HSPG2: variants seen among roughly 807,000 people sequenced by gnomAD.
The protein encoded by HSPG2 is basement membrane-specific heparan sulfate proteoglycan core protein.
In HSPG2, 278 loss-of-function variants were observed where a neutral mutation model predicts 526.6. The ratio of observed to expected loss-of-function variants is 0.53; its 90% CI spans 0.48 to 0.58. The LOEUF (loss-of-function observed/expected upper bound fraction) is 0.58. HSPG2 is among the 20% of genes least tolerant of loss of function. HSPG2 has a pLI of 0.00. For missense variants in HSPG2, 5,354 were observed against 6,099.5 expected (o/e 0.88, Z 4.07); for synonymous variants, 2,465 against 2,555.4 (o/e 0.96, Z 1.07).
At chr1:21,835,713 G>T in intron 75 of HSPG2, 76 bp from the exon 76 acceptor site, 1 of 1,110,218 alleles carries the variant, frequency 9.0e-7, no homozygotes, top group Non-Finnish European at 1.3e-6. Flanking sequence ...GCTGGGCGTG[G>T]TGGCTCACGC....
In HSPG2 at chr1:21,851,832, G is replaced by A. The variant is rs185532720; in HGVS notation, c.6965C>T (p.Thr2322Met). ...RASNGMEASITVTVTGTQGAN... is the reference protein window; with the variant it reads ...RASNGMEASIMVTVTGTQGAN... The stretch of plus-strand genomic sequence containing the variant: ...CCCCTGGGTCCCAGTTACTGTGACC[G>A]TGATGGAGGCCTCCATGCCGTTGCT... Residue 2322 changes from threonine (T) to methionine (M), a missense_variant, in exon 54 of 97, where the codon ACG becomes ATG. By Grantham distance (81) the Thr-to-Met change is moderately conservative. Coordinates refer to ENST00000374695, the MANE Select transcript of HSPG2 (RefSeq NM_005529.7). 19 of 1,613,630 alleles carry A rather than the reference G, an allele frequency of 1.2e-5. No individual in the cohort carries two copies. Among genetic ancestry groups the A allele is most frequent in the East Asian group, 6.7e-5 (3 of 44,884 alleles).
At chr1:21,902,888 G>A (rs1186080189) in intron 1 of HSPG2, among the ~76,000 whole-genome samples, 1 of 152,198 alleles carries the variant, frequency 6.6e-6, no homozygotes, top group Non-Finnish European at 1.5e-5. Context: ...AGTCTCTACT[G>A]TATGCACTGG....
In HSPG2 at chr1:21,859,857, G is replaced by A. The variant is rs138980184; in HGVS notation, c.5160C>T (p.Ser1720=). ...TACCTTGATGTCGCTGCTGGGTGCC[G>A]CTGGGCACAGGCCGCCCATCCTCAC... ...WSREDGRPVP[S]GTQQRHQGSE... is the part of the protein sequence containing the mutation. The change falls in exon 41 of 97, where the codon AGC becomes AGT. Residue 1720 remains serine (S), a synonymous_variant. Coordinates refer to ENST00000374695, the MANE Select transcript of HSPG2 (RefSeq NM_005529.7). The surrounding 1 kb of genome is among the most constrained non-coding windows in gnomAD (Gnocchi z 5.3). The A allele has an allele frequency of 1.1e-3, 1,742 of 1,611,366 alleles. 1 individual carries two copies. Among genetic ancestry groups the A allele is most frequent in the Non-Finnish European group, 1.0e-3 (1,213 of 1,179,614 alleles).
rs1477012519 is a variant in HSPG2, at chr1:21,831,199, T to C, written c.11562+16A>G. The C allele has an allele frequency of 1.2e-6, 2 of 1,608,276 alleles. No individual in the cohort carries two copies. Among genetic ancestry groups the C allele is most frequent in the South Asian group, 2.2e-5 (2 of 90,966 alleles). Reference sequence around the variant, plus strand: ...GAGGCCACGGCAGCCAGGTGGTGTGTGGGGTGTGGGGTCACCTGGCAGGGC... The same window carrying C: ...GAGGCCACGGCAGCCAGGTGGTGTGCGGGGTGTGGGGTCACCTGGCAGGGC... On this transcript the variant is annotated intron_variant, in intron 84 of 96. Transcript: ENST00000374695.
intron 1 of HSPG2, among the ~76,000 whole-genome samples, chr1:21,924,237 G>T (rs1023787690): frequency 1.6e-4 from 24 of 152,328 alleles, no homozygotes; most frequent in Middle Eastern, 6.8e-3. Context: ...GAAGGTGGAA[G>T]CTGCCTCCAG....
In HSPG2 at chr1:21,904,639, G is replaced by A. The variant is rs1361685817; in HGVS notation, c.64-8329C>T. On this transcript the variant is annotated intron_variant, in intron 1 of 96. Coordinates refer to ENST00000374695, the MANE Select transcript of HSPG2 (RefSeq NM_005529.7). This position sits in a 1 kb window ranked among gnomAD's most constrained non-coding sequence, Gnocchi z 4.4. The stretch of plus-strand genomic sequence containing the variant: ...TTACAGGGAACCAGGAAGCCACCGG[G>A]AAATGCCCTTGCCTCACCCATGTGC... 6.6e-6 allele frequency among the ~76,000 whole-genome samples: 1 copy of A among 152,238 alleles called. No individual in the cohort carries two copies. The highest frequency in any genetic ancestry group is 2.4e-5 in the African/African-American group (1 of 41,468).
Position 21,872,491 on chromosome 1 carries a change from C to A in HSPG2, c.4030-114G>T, listed in dbSNP as rs143033152. 2 of 1,412,838 alleles carry A rather than the reference C, an allele frequency of 1.4e-6. No homozygotes were observed. The allele number at this position is 1,412,838 out of a possible 1,614,324, so 87.5% of individuals were successfully genotyped here. A position where few individuals can be genotyped will look rare whatever the true frequency, so the allele number is the denominator to read the frequency against. On this transcript the variant is annotated intron_variant, in intron 32 of 96. Transcript: ENST00000374695. This position sits in a 1 kb window ranked among gnomAD's most constrained non-coding sequence, Gnocchi z 5.5. ...TGGGGTCCTGTTGAGATCAGGACTG[C>A]GAGAGAAATAATGGGGGCATGTGAG...
At position 21,836,989 on chromosome 1, in the gene HSPG2, G is replaced by A. The variant is rs1474905316; in HGVS notation, c.10168C>T (p.Pro3390Ser). The A allele has an allele frequency of 3.2e-6, 5 of 1,551,858 alleles. No homozygotes were observed. Among genetic ancestry groups the A allele is most frequent in the Non-Finnish European group, 4.4e-6 (5 of 1,148,270 alleles). ...GACCCTGCTGGGATGGAGGTGGCAG[G>A]GAGAGAGCCGGGAGGGCCTGCGGGG... The part of the protein sequence containing the change: ...LLVQGPPGSL[P>S]ATSIPAGSTP... The change falls in exon 75 of 97, where the codon CCT (proline) becomes TCT (serine). Residue 3390 changes from proline to serine, a missense_variant. Transcript: ENST00000374695.
chr1:21,834,973 T>C, intron 76 of HSPG2, 28 bp from the exon 77 acceptor site: 3 of 1,607,534 alleles, frequency 1.9e-6, no homozygotes, highest in South Asian at 1.1e-5. Context: ...AGAGGTCCAG[T>C]GAGATCAGTC....
In HSPG2 at chr1:21,854,719, A is replaced by G; in HGVS notation, c.6180T>C (p.Pro2060=). The G allele has an allele frequency of 6.2e-7, 1 of 1,613,432 alleles. No homozygotes were observed. Among genetic ancestry groups the G allele is most frequent in the Non-Finnish European group, 8.5e-7 (1 of 1,179,770 alleles). The change falls in exon 49 of 97, where the codon CCT becomes CCC. Residue 2060 remains proline, a synonymous_variant. Coordinates refer to ENST00000374695, the MANE Select transcript of HSPG2 (RefSeq NM_005529.7). ...CGAGTGTTTGCCCTTCTGTCACAGA[A>G]GGCGATGAGGACTCAATCTTGACCG... ...PPPVKIESSS[P]SVTEGQTLDL...
At chr1:21,825,018 A>G in intron 91 of HSPG2, 1 of 561,408 alleles carries the variant, frequency 1.8e-6, no homozygotes, top group Non-Finnish European at 3.2e-6. Flanking sequence ...TTTCAATGAG[A>G]TGTAGGCAAG....
intron 23 of HSPG2, 64 bp downstream of exon 23, chr1:21,876,165 C>T: frequency 1.3e-6 from 2 of 1,569,332 alleles, no homozygotes; most frequent in Non-Finnish European, 1.7e-6. Context: ...CTCCCGCCTC[C>T]AAGCCTTTGC....
At position 21,855,350 on chromosome 1, in the gene HSPG2, C is replaced by T. The variant is rs979419145; in HGVS notation, c.5951G>A (p.Ser1984Asn). 1.2e-6 allele frequency: 2 copies of T among 1,610,554 alleles called. No individual in the cohort carries two copies. The highest frequency in any genetic ancestry group is 1.7e-6 in the Non-Finnish European group (2 of 1,178,982). Reference protein sequence around the residue: ...RLYCRAAGVPSATITWRKEGG... With the variant: ...RLYCRAAGVPNATITWRKEGG... ...TTCCTTCCTCCAGGTGATGGTGGCG[C>T]TAGGCACGCCTGCAGCCCTGCAGTA... The change falls in exon 47 of 97, where the codon AGC (serine) becomes AAC (asparagine). Residue 1984 changes from serine to asparagine, a missense_variant. Transcript: ENST00000374695.
intron 24 of HSPG2, 30 bp downstream of exon 24, chr1:21,875,833 C>T (rs1272873325): frequency 1.2e-6 from 2 of 1,612,250 alleles, no homozygotes; most frequent in Non-Finnish European, 8.5e-7. Context: ...CCTGCCCGCA[C>T]CCCTACCCCC....
Position 21,876,493 on chromosome 1 carries a change from G to C in HSPG2, c.2826+19C>G. On this transcript the variant is annotated intron_variant, in intron 22 of 96. Coordinates refer to ENST00000374695, the MANE Select transcript of HSPG2 (RefSeq NM_005529.7). ...GGCCCAGGGCTTGGCGGTCCTGCCC[G>C]CCCACCTTGCAGAGGTACCTGGGCA... The C allele has an allele frequency of 6.2e-7, 1 of 1,613,758 alleles. No individual in the cohort carries two copies. Among genetic ancestry groups the C allele is most frequent in the Non-Finnish European group, 8.5e-7 (1 of 1,179,808 alleles).
At position 21,841,139 on chromosome 1, in the gene HSPG2, G is replaced by A. The variant is rs762785514; in HGVS notation, c.9475C>T (p.Arg3159Trp). ...ISSTPAKLEQ[R>W]TYGLMDSHAV... ...TGGCTGTCCATGAGCCCATATGTCC[G>A]CTGCTCCAACTTGGCAGGGGTGCTG... is the stretch of plus-strand genomic sequence containing the variant. The change falls in exon 71 of 97, where the codon CGG becomes TGG. Residue 3159 changes from arginine to tryptophan, a missense_variant. Coordinates refer to ENST00000374695, the MANE Select transcript of HSPG2 (RefSeq NM_005529.7). The A allele has an allele frequency of 1.4e-5, 23 of 1,613,192 alleles. No individual in the cohort carries two copies. The East Asian group carries it at 2.0e-4, about 14-fold the overall frequency.
At position 21,851,793 on chromosome 1, in the gene HSPG2, T is replaced by C; in HGVS notation, c.7004A>G (p.Tyr2335Cys). The C allele has an allele frequency of 1.2e-6, 2 of 1,613,932 alleles. No homozygotes were observed. The highest frequency in any genetic ancestry group is 1.7e-6 in the Non-Finnish European group (2 of 1,180,018). ...VTGTQGANLA[Y>C]PAGSTQPIRI... is the part of the protein sequence containing the mutation. ...CCCAGCCTGGTGGCCCCACTCACGG[T>C]AGGCTAAGTTGGCCCCCTGGGTCCC... Residue 2335 changes from tyrosine to cysteine, a missense_variant and splice_region_variant, in exon 54 of 97, where the codon TAC (tyrosine) becomes TGC (cysteine). Physicochemically the swap from Tyr to Cys is radical, Grantham distance 194. Coordinates refer to ENST00000374695, the MANE Select transcript of HSPG2 (RefSeq NM_005529.7).
intron 66 of HSPG2, 34 bp from the exon 67 acceptor site, chr1:21,842,955 G>A: frequency 6.2e-7 from 1 of 1,613,214 alleles, no homozygotes; most frequent in Non-Finnish European, 8.5e-7. Flanking sequence ...GAGAGGCCAG[G>A]CTCCGGGGAT....
At position 21,906,570 on chromosome 1, in the gene HSPG2, C is replaced by T. The variant is rs150716704; in HGVS notation, c.64-10260G>A. 7.3e-3 allele frequency among the ~76,000 whole-genome samples: 1,118 copies of T among 152,224 alleles called. 10 individuals carry two copies. Among genetic ancestry groups the T allele is most frequent in the Non-Finnish European group, 8.5e-3 (580 of 68,014 alleles). ...AGAGCAAGGGGTCCTCGTCCTGAAG[C>T]GCCCCATGTCTGCTTTCTTCATGTC... On this transcript the variant is annotated intron_variant, in intron 1 of 96. Transcript: ENST00000374695.
Sources: gnomAD v4.1 joint callset for allele counts (sites outside exome capture counted in the v4.1 genomes callset) on GRCh38, gnomAD v4.1.1 for gene constraint, Gnocchi (gnomAD v3.1) non-coding constraint, MANE v1.5 for transcripts, NCBI Gene and HGNC (gene_info 2026-07-23, HGNC 2026-07-21) for gene names.